BTD: variants seen among roughly 807,000 people sequenced by gnomAD.
The protein encoded by BTD is biotinidase.
In BTD, 13 loss-of-function variants were observed where a neutral mutation model predicts 17.7. The ratio of observed to expected loss-of-function variants is 0.74; its 90% CI spans 0.48 to 1.17. The LOEUF is 1.17. BTD is among the 50% of genes most tolerant of loss of function. The pLI is 0.00. For synonymous variants in BTD, 240 were observed against 245.2 expected, an observed-to-expected ratio of 0.98 and a Z score of 0.20; for missense variants, 674 against 650.4, an observed-to-expected ratio of 1.04 and a Z score of -0.39.
At chr3:15,609,118 C>T (rs954939336) in intron 1 of BTD, among the ~76,000 whole-genome samples, 23 of 152,132 alleles carry the variant, frequency 1.5e-4, no homozygotes, top group Non-Finnish European at 2.6e-4. Context: ...TACATCATAA[C>T]GTTTGAGTTC....
Position 15,650,022 on chromosome 3 carries a change from A to T in BTD, c.*4534A>T, listed in dbSNP as rs1395291416. The stretch of plus-strand genomic sequence containing the variant: ...CATGCAAATATGTGCTGAGTCTTGG[A>T]TTTGCATCTTTATCGTGACTCCACG... On this transcript the variant is annotated 3_prime_UTR_variant, in exon 4 of 4. Transcript: ENST00000643237. Among the ~76,000 whole-genome samples the T allele has an allele frequency of 6.6e-6, 1 of 152,154 alleles. No homozygotes were observed. Among genetic ancestry groups the T allele is most frequent in the Non-Finnish European group, 1.5e-5 (1 of 68,022 alleles).
chr3:15,699,276 A>C (rs1388495252), intron 3 of BTD, among the ~76,000 whole-genome samples: 1 of 152,204 alleles, frequency 6.6e-6, no homozygotes, highest in East Asian at 1.9e-4. Context: ...TAGACCTAAA[A>C]CCATAAAAAA....
chr3:15,670,297 G>A, intron 3 of BTD: 1 of 1,613,700 alleles, frequency 6.2e-7, no homozygotes, highest in Non-Finnish European at 8.5e-7. Flanking sequence ...CGGAGTCGTT[G>A]AGCTCATCCA....
chr3:15,618,525 A>C (rs1489023829), intron 1 of BTD, among the ~76,000 whole-genome samples: 1 of 151,966 alleles, frequency 6.6e-6, no homozygotes. Context: ...ATGGTTTTTA[A>C]AATTTTTTTC....
At position 15,651,876 on chromosome 3, in the gene BTD, T is replaced by G. The variant is rs1409342027; in HGVS notation, c.*6388T>G. On this transcript the variant is annotated 3_prime_UTR_variant, in exon 4 of 4. Transcript: ENST00000643237. ...GTTAGGGGAGAGAGAAGCTTCTTAA[T>G]GAAAATAACCTTGGTAGCTAGTCTC... Among the ~76,000 whole-genome samples, 1 of 152,214 alleles carries G rather than the reference T, an allele frequency of 6.6e-6. No homozygotes were observed. Among genetic ancestry groups the G allele is most frequent in the Non-Finnish European group, 1.5e-5 (1 of 68,042 alleles).
intron 2 of BTD, among the ~76,000 whole-genome samples, chr3:15,636,921 A>G (rs979635548): frequency 6.6e-6 from 1 of 151,918 alleles, no homozygotes; most frequent in African/African-American, 2.4e-5. Flanking sequence ...TCCCAACCTG[A>G]CATACGGTTT....
At chr3:15,636,465 A>G (rs760310663) in intron 2 of BTD, among the ~76,000 whole-genome samples, 16 of 152,190 alleles carry the variant, frequency 1.1e-4, no homozygotes, top group Non-Finnish European at 2.2e-4. Context: ...GGGAAATATC[A>G]GAGGTTGCCT....
chr3:15,670,149 C>T (rs1243950649), intron 3 of BTD: 3 of 1,126,144 alleles, frequency 2.7e-6, no homozygotes, highest in Non-Finnish European at 3.7e-6. Flanking sequence ...GATCTCTTAA[C>T]ATTGGCTCAC....
At position 15,645,237 on chromosome 3, in the gene BTD, G is replaced by C; in HGVS notation, c.1321G>C (p.Val441Leu). 1 of 1,614,154 alleles carries C rather than the reference G, an allele frequency of 6.2e-7. No homozygotes were observed. The highest frequency in any genetic ancestry group is 8.5e-7 in the Non-Finnish European group (1 of 1,180,012). The change falls in exon 4 of 4, where the codon GTC (valine) becomes CTC (leucine). Residue 441 changes from valine (V) to leucine (L), a missense_variant. Coordinates refer to ENST00000643237, the MANE Select transcript of BTD (RefSeq NM_001370658.1). Reference protein sequence around the residue: ...GTYYIQVCALVRCGGLGFDTC... With the variant: ...GTYYIQVCALLRCGGLGFDTC... ...TTACTACATCCAAGTGTGTGCCCTG[G>C]TCAGGTGTGGGGGTCTTGGCTTCGA...
intron 3 of BTD, among the ~76,000 whole-genome samples, chr3:15,694,517 CTTT>C (rs376633083): frequency 7.0e-6 from 1 of 142,642 alleles, no homozygotes. Context: ...CACTGTCTGT[CTTT>C]TTTTTTTTTT....
At chr3:15,601,581 G>A (rs769537427), upstream of BTD, 8 of 1,592,686 alleles carry the variant, frequency 5.0e-6, no homozygotes, top group Middle Eastern at 1.6e-4. Context: ...ACGGACAGGA[G>A]GGCAACCAAC....
chr3:15,650,894 C>T lies in BTD; in HGVS notation c.*5406C>T, dbSNP rs1481557346. On this transcript the variant is annotated 3_prime_UTR_variant, in exon 4 of 4. Transcript: ENST00000643237. ...AAGCGATTCTCCTGCCTCAGCCTTC[C>T]GAGTAGCTGGGACTACAGGCACGTG... is the stretch of plus-strand genomic sequence containing the variant. Among the ~76,000 whole-genome samples the T allele has an allele frequency of 3.9e-5, 6 of 152,152 alleles. No homozygotes were observed. The highest frequency in any genetic ancestry group is 2.0e-4 in the Admixed American group (3 of 15,284).
At chr3:15,693,240 G>A (rs988104603) in intron 3 of BTD, among the ~76,000 whole-genome samples, 2 of 151,986 alleles carry the variant, frequency 1.3e-5, no homozygotes, top group African/African-American at 4.8e-5. Flanking sequence ...GGTTAAGAAG[G>A]TACGTTTTAT....
chr3:15,615,704 C>T (rs1030683583), intron 1 of BTD, among the ~76,000 whole-genome samples: 3 of 152,188 alleles, frequency 2.0e-5, no homozygotes, highest in African/African-American at 7.2e-5. Flanking sequence ...TCCCTGTTAT[C>T]AATATCCCAG....
In BTD at chr3:15,647,713, T is replaced by G. The variant is rs527735875; in HGVS notation, c.*2225T>G. ...GAAACTCAGGAAGCAAATGGCAATC[T>G]TGACCACAACATGGAGACAGGAAAT... On this transcript the variant is annotated 3_prime_UTR_variant, in exon 4 of 4. Transcript: ENST00000643237. The G allele has an allele frequency of 1.3e-5, 2 of 152,358 alleles. No individual in the cohort carries two copies. The highest frequency in any genetic ancestry group is 2.1e-4 in the South Asian group (1 of 4,828). The allele number at this position is 152,358 out of a possible 1,614,324, so 9.4% of individuals were successfully genotyped here.
rs531981188 is a variant in BTD, at chr3:15,601,907, C to G, written c.-17+13C>G. 263 of 1,613,190 alleles carry G rather than the reference C, an allele frequency of 1.6e-4. No homozygotes were observed. The South Asian group carries it at 2.7e-3, about 17-fold the overall frequency. On this transcript the variant is annotated intron_variant, in intron 1 of 3. Transcript: ENST00000643237. The stretch of plus-strand genomic sequence containing the variant: ...GCGCTAAGAGCAGGTACGGAGGGGG[C>G]GTGGTGCGGCGCGGAGGGGGTGTGG...
intron 3 of BTD, chr3:15,668,357 T>C (rs1022332609): frequency 2.4e-4 from 35 of 145,856 alleles, no homozygotes; most frequent in African/African-American, 9.1e-4. Flanking sequence ...TCTGCTTGAT[T>C]TTTTTTTTTT....
rs771673318 is a variant in BTD at position 15,644,462 on chromosome 3, T to A, written c.546T>A (p.Asn182Lys). 6.2e-7 allele frequency: 1 copy of A among 1,614,114 alleles called. No individual in the cohort carries two copies. Among genetic ancestry groups the A allele is most frequent in the South Asian group, 1.1e-5 (1 of 91,062 alleles). The change falls in exon 4 of 4, where the codon AAT becomes AAA. Residue 182 changes from asparagine (N) to lysine (K), a missense_variant. Physicochemically the swap from Asn to Lys is moderately conservative, Grantham distance 94 (BLOSUM62 0). Transcript: ENST00000643237. ...YQFNTNVVFSNNGTLVDRYRK... is the reference protein window; with the variant it reads ...YQFNTNVVFSKNGTLVDRYRK... The stretch of plus-strand genomic sequence containing the variant: ...TCAACACAAATGTCGTGTTCAGCAA[T>A]AATGGAACCCTTGTTGACCGCTACC...
Position 15,648,299 on chromosome 3 carries a change from G to C in BTD, c.*2811G>C, listed in dbSNP as rs2065740185. Among the ~76,000 whole-genome samples, 1 of 152,150 alleles carries C rather than the reference G, an allele frequency of 6.6e-6. No homozygotes were observed. Among genetic ancestry groups the C allele is most frequent in the African/African-American group, 2.4e-5 (1 of 41,426 alleles). Reference sequence around the variant, plus strand: ...TAGGCATAAAAGTATGAAATGTTTTGTGCACAAAGGCCTAGATTTGAGACA... The same window carrying C: ...TAGGCATAAAAGTATGAAATGTTTTCTGCACAAAGGCCTAGATTTGAGACA... On this transcript the variant is annotated 3_prime_UTR_variant, in exon 4 of 4. Coordinates refer to ENST00000643237, the MANE Select transcript of BTD (RefSeq NM_001370658.1).
Sources: gnomAD v4.1 joint callset for allele counts (sites outside exome capture counted in the v4.1 genomes callset) on GRCh38, gnomAD v4.1.1 for gene constraint, MANE v1.5 for transcripts, NCBI Gene and HGNC (gene_info 2026-07-23, HGNC 2026-07-21) for gene names.